Variants in FRMPD4 observed in about 807,000 individuals in gnomAD.
The protein encoded by FRMPD4 is FERM and PDZ domain containing 4, also known as FERM and PDZ domain-containing protein 4.
In FRMPD4, 22 loss-of-function variants were observed where a neutral mutation model predicts 94.1. That is an observed-to-expected ratio of 0.23 (90% CI 0.17 to 0.33). The LOEUF (loss-of-function observed/expected upper bound fraction) is 0.33. Ranked by LOEUF, FRMPD4 falls within the 10% of genes least tolerant of loss-of-function variation. The pLI, the probability that FRMPD4 is intolerant of heterozygous loss-of-function variation, is 1.00. For synonymous variants in FRMPD4, 631 were observed against 548.6 expected (o/e 1.15, Z -2.10); for missense variants, 1,111 against 1,339.9 (o/e 0.83, Z 2.67).
chrX:12,381,967 G>A (rs2056324028), intron 1 of FRMPD4, among the ~76,000 whole-genome samples: 1 of 110,837 alleles, frequency 9.0e-6, no homozygotes, highest in African/African-American at 3.3e-5. Flanking sequence ...CAGAGGAGGA[G>A]GAAAGACCAA....
intron 1 of FRMPD4, among the ~76,000 whole-genome samples, chrX:12,486,241 G>C (rs948708110): frequency 9.0e-6 from 1 of 111,631 alleles, no homozygotes; most frequent in African/African-American, 3.3e-5. Context: ...GGGAGACTAT[G>C]CTCAGACTGT....
intron 3 of FRMPD4, among the ~76,000 whole-genome samples, chrX:12,129,498 G>C (rs1050803838): frequency 9.0e-6 from 1 of 111,614 alleles, no homozygotes; most frequent in African/African-American, 3.3e-5. Flanking sequence ...TTCAAGATTA[G>C]ATTTGGGTGG....
At chrX:12,291,345 G>A (rs1444085186) in intron 1 of FRMPD4, among the ~76,000 whole-genome samples, 1 of 111,744 alleles carries the variant, frequency 8.9e-6, no homozygotes. Flanking sequence ...TTTGCTGGAT[G>A]TTCCATTTCC....
chrX:12,105,533 C>T (rs1569159261), intron 3 of FRMPD4, among the ~76,000 whole-genome samples: 1 of 112,188 alleles, frequency 8.9e-6, no homozygotes, highest in Non-Finnish European at 1.9e-5. Context: ...GCTTGTAACT[C>T]CCTTAATCTT....
At chrX:12,545,095 C>G (rs140956396) in intron 2 of FRMPD4, among the ~76,000 whole-genome samples, 41 of 111,773 alleles carry the variant, frequency 3.7e-4, no homozygotes, top group African/African-American at 1.3e-3. Flanking sequence ...TAGCCTGTCA[C>G]CACAACTGGT....
chrX:12,249,239 C>A lies in FRMPD4; in HGVS notation c.41+110227C>A, dbSNP rs189068131. Among the ~76,000 whole-genome samples, 28 of 110,469 alleles carry A rather than the reference C, an allele frequency of 2.5e-4. No homozygotes were observed. The East Asian group carries it at 7.2e-3, about 28-fold the overall frequency. On this transcript the variant is annotated intron_variant, in intron 1 of 16. Coordinates refer to ENST00000675598, the MANE Select transcript of FRMPD4 (RefSeq NM_001368397.1). ...TTTTGAATATAATAGGCACACAAGG[C>A]ATTTTTCAGTGTGCTGTAGGTCACT... is the stretch of plus-strand genomic sequence containing the variant.
intron 1 of FRMPD4, among the ~76,000 whole-genome samples, chrX:12,159,787 A>G (rs2055993182): frequency 8.9e-6 from 1 of 112,301 alleles, no homozygotes; most frequent in South Asian, 3.7e-4. Flanking sequence ...TTTGTCAGTG[A>G]CACATGTTTA....
chrX:12,063,817 T>C (rs1040647189), intron 3 of FRMPD4, among the ~76,000 whole-genome samples: 4 of 112,937 alleles, frequency 3.5e-5, no homozygotes, highest in Non-Finnish European at 5.6e-5. Context: ...TCTTTGGTTA[T>C]TTGGCATTTC....
At chrX:12,158,622 T>C (rs1177890678) in intron 1 of FRMPD4, among the ~76,000 whole-genome samples, 4 of 112,325 alleles carry the variant, frequency 3.6e-5, no homozygotes, top group African/African-American at 9.7e-5. Flanking sequence ...TGGAATCATA[T>C]AGATGTGTCT....
intron 11 of FRMPD4, among the ~76,000 whole-genome samples, chrX:12,705,038 C>G (rs942016881): frequency 2.7e-5 from 3 of 111,715 alleles, no homozygotes; most frequent in Admixed American, 9.5e-5. Context: ...AGCACCCTCC[C>G]GTGATCGTGA....
chrX:12,107,733 T>C (rs1639670288), intron 3 of FRMPD4, among the ~76,000 whole-genome samples: 1 of 111,749 alleles, frequency 8.9e-6, no homozygotes, highest in African/African-American at 3.3e-5. Context: ...TTAAATGACC[T>C]GATGGAGCTG....
At chrX:11,964,241 GTTCCGCCTCCT>G (rs925647500) in intron 3 of FRMPD4, among the ~76,000 whole-genome samples, 1 of 109,792 alleles carries the variant, frequency 9.1e-6, no homozygotes, top group African/African-American at 3.3e-5. Context: ...CTCACTGCAA[GTTCCGCCTCCT>G]GGGTTCACGC....
intron 1 of FRMPD4, among the ~76,000 whole-genome samples, chrX:12,374,211 G>A (rs2056201461): frequency 8.9e-6 from 1 of 112,135 alleles, no homozygotes; most frequent in South Asian, 3.7e-4. Context: ...AAATCTTTAT[G>A]CAACTAGGAG....
chrX:12,048,292 G>T (rs1302057974), intron 3 of FRMPD4, among the ~76,000 whole-genome samples: 1 of 112,137 alleles, frequency 8.9e-6, no homozygotes, highest in Non-Finnish European at 1.9e-5. Context: ...TTGGCCACTT[G>T]TTTGTCTTTT....
At chrX:11,840,765 T>A (rs1444157870) in intron 1 of FRMPD4, among the ~76,000 whole-genome samples, 1 of 108,673 alleles carries the variant, frequency 9.2e-6, no homozygotes, top group Non-Finnish European at 1.9e-5. Flanking sequence ...TTATTATACT[T>A]TAAGTTTTAG....
At chrX:12,033,137 G>A (rs752908578) in intron 3 of FRMPD4, among the ~76,000 whole-genome samples, 65 of 111,926 alleles carry the variant, frequency 5.8e-4, no homozygotes, top group South Asian at 3.8e-4. Context: ...TCAATTTAGC[G>A]AGTTGAGTTT....
At chrX:12,496,755 T>C (rs1026661442) in intron 1 of FRMPD4, among the ~76,000 whole-genome samples, 1 of 112,259 alleles carries the variant, frequency 8.9e-6, no homozygotes, top group African/African-American at 3.2e-5. Flanking sequence ...ATGTTTGATC[T>C]TAATTATTCA....
intron 1 of FRMPD4, among the ~76,000 whole-genome samples, chrX:12,157,029 T>C (rs754893367): frequency 1.6e-4 from 18 of 111,771 alleles, no homozygotes; most frequent in African/African-American, 5.5e-4. Context: ...GTTTGATGAT[T>C]GTAGTACTCT....
intron 1 of FRMPD4, among the ~76,000 whole-genome samples, chrX:12,180,456 A>G (rs935875810): frequency 1.8e-5 from 2 of 112,060 alleles, no homozygotes; most frequent in African/African-American, 6.5e-5. Context: ...TACCCATCGC[A>G]ATACATCATG....
Sources: gnomAD v4.1 joint callset for allele counts (sites outside exome capture counted in the v4.1 genomes callset) on GRCh38, gnomAD v4.1.1 for gene constraint, MANE v1.5 for transcripts, NCBI Gene and HGNC (gene_info 2026-07-23, HGNC 2026-07-21) for gene names.